The following HERPUD2 variants were observed in gnomAD, a reference collection of about 807,000 sequenced individuals.
HERPUD2 encodes HERPUD family member 2.
In HERPUD2, 13 loss-of-function variants were observed where a neutral mutation model predicts 49.9. That is an observed-to-expected ratio of 0.26 (90% CI 0.17 to 0.41). HERPUD2 has a LOEUF of 0.41. Among genes scored for constraint, HERPUD2 ranks in the 10% least tolerant of loss-of-function variants. The pLI is 1.00. For missense variants in HERPUD2, 449 were observed against 492.2 expected (o/e 0.91, Z 0.83); for synonymous variants, 172 against 171.4 (o/e 1.00, Z -0.03).
At chr7:35,673,127 G>T in intron 3 of HERPUD2, 74 bp downstream of exon 3, 1 of 1,129,258 alleles carries the variant, frequency 8.9e-7, no homozygotes, top group Non-Finnish European at 1.3e-6. Context: ...TGAACTGGTT[G>T]AATAAAATTT....
chr7:35,648,855 T>C (rs1785104479), intron 5 of HERPUD2, among the ~76,000 whole-genome samples: 1 of 152,182 alleles, frequency 6.6e-6, no homozygotes, highest in Non-Finnish European at 1.5e-5. Context: ...CACTGATATT[T>C]TGAGGTTAGC....
rs1364901077 is a variant in HERPUD2, at chr7:35,694,374, GC to G, written c.-45del. 1 of 1,610,898 alleles carries G rather than the reference GC, an allele frequency of 6.2e-7. No homozygotes were observed. Among genetic ancestry groups the G allele is most frequent in the Admixed American group, 1.7e-5 (1 of 59,934 alleles). On this transcript the variant is annotated 5_prime_UTR_variant, in exon 2 of 9. Transcript: ENST00000311350. The stretch of plus-strand genomic sequence containing the variant: ...CAGAGTCCAGAGGAGCGGCAGTTAA[GC>G]CCAAAAGAGCCGAGATGGTCACCGC...
At chr7:35,682,602 A>C (rs1157097542) in intron 2 of HERPUD2, among the ~76,000 whole-genome samples, 1 of 151,672 alleles carries the variant, frequency 6.6e-6, no homozygotes, top group Non-Finnish European at 1.5e-5. Context: ...GGGCATCCAA[A>C]TCGGTAAAGA....
intron 5 of HERPUD2, among the ~76,000 whole-genome samples, chr7:35,650,740 T>C (rs1583545491): frequency 1.3e-5 from 2 of 152,234 alleles, no homozygotes; most frequent in East Asian, 3.9e-4. Context: ...GAGACCAAAG[T>C]GTACCCCCCC....
rs1468982770 is a variant in HERPUD2, at chr7:35,694,193, A to C, written c.138T>G (p.Pro46=). ...GCTTTTACACACTTACTGGTTTGCTAGGGTAAACGTTAGATAGATGCGTTT... is the reference window on the plus strand; with the variant it reads ...GCTTTTACACACTTACTGGTTTGCTCGGGTAAACGTTAGATAGATGCGTTT... ...KLKTHLSNVY[P]SKPLTKDQRL... is the part of the protein sequence containing the mutation. The change falls in exon 2 of 9, where the codon CCT becomes CCG. Residue 46 remains proline (P), a synonymous_variant. Coordinates refer to ENST00000311350, the MANE Select transcript of HERPUD2 (RefSeq NM_022373.5). The C allele has an allele frequency of 6.2e-7, 1 of 1,614,038 alleles. No homozygotes were observed. Among genetic ancestry groups the C allele is most frequent in the South Asian group, 1.1e-5 (1 of 91,086 alleles).
At chr7:35,653,705 A>G (rs1174970156) in intron 5 of HERPUD2, among the ~76,000 whole-genome samples, 1 of 152,282 alleles carries the variant, frequency 6.6e-6, no homozygotes, top group East Asian at 1.9e-4. Flanking sequence ...AATCATATCA[A>G]GTATCTTTTA....
At chr7:35,657,053 C>T (rs564021122) in intron 5 of HERPUD2, among the ~76,000 whole-genome samples, 19 of 150,280 alleles carry the variant, frequency 1.3e-4, no homozygotes, top group Non-Finnish European at 2.2e-4. Flanking sequence ...ATGAAGCAAT[C>T]AACAGAGTGA....
Position 35,633,491 on chromosome 7 carries a change from T to TAAAAAA in HERPUD2, c.*193_*198dup. The TAAAAAA allele has an allele frequency of 1.8e-5, 5 of 284,444 alleles. No homozygotes were observed. The highest frequency in any genetic ancestry group is 6.5e-5 in the South Asian group (1 of 15,480). The allele number at this position is 284,444 out of a possible 1,614,324, so 17.6% of individuals were successfully genotyped here. ...TTACGCTATGTTCTGTTAGGATCTT[T>TAAAAAA]AAAAAAAAAAAAAAAAAACTCAGAT... On this transcript the variant is annotated 3_prime_UTR_variant, in exon 9 of 9. Coordinates refer to ENST00000311350, the MANE Select transcript of HERPUD2 (RefSeq NM_022373.5).
At chr7:35,648,171 T>C (rs1455495652) in intron 5 of HERPUD2, among the ~76,000 whole-genome samples, 1 of 152,134 alleles carries the variant, frequency 6.6e-6, no homozygotes, top group African/African-American at 2.4e-5. Flanking sequence ...GCCTCAAAAA[T>C]CTTAAGAACA....
At chr7:35,686,745 A>AAG (rs56222073) in intron 2 of HERPUD2, among the ~76,000 whole-genome samples, 2 of 75,452 alleles carry the variant, frequency 2.7e-5, no homozygotes, top group Non-Finnish European at 4.3e-5. Context: ...AAAAAAAAAA[A>AAG]CCAAACCCAT....
chr7:35,637,160 A>AAGATAGATAGATAGAT (rs201529201), intron 6 of HERPUD2, among the ~76,000 whole-genome samples: 19 of 144,190 alleles, frequency 1.3e-4, no homozygotes, highest in East Asian at 1.2e-3. Context: ...GAAAGAAAGA[A>AAGATAGATAGATAGAT]AGATAGATAG....
intron 5 of HERPUD2, among the ~76,000 whole-genome samples, chr7:35,660,780 C>T (rs1482515067): frequency 6.6e-6 from 1 of 151,918 alleles, no homozygotes; most frequent in African/African-American, 2.4e-5. Flanking sequence ...GGATATTAGC[C>T]CTTTGTCAGA....
At chr7:35,680,080 C>T (rs1785847329) in intron 2 of HERPUD2, among the ~76,000 whole-genome samples, 1 of 152,160 alleles carries the variant, frequency 6.6e-6, no homozygotes, top group Non-Finnish European at 1.5e-5. Flanking sequence ...TTCTTGCTTC[C>T]ATTCTACAGT....
chr7:35,682,257 GT>G (rs1785910869), intron 2 of HERPUD2, among the ~76,000 whole-genome samples: 1 of 82,710 alleles, frequency 1.2e-5, no homozygotes. Context: ...ACACGTGTGT[GT>G]GTGTATATAT....
At chr7:35,643,479 T>G (rs553606178) in intron 5 of HERPUD2, among the ~76,000 whole-genome samples, 1 of 152,310 alleles carries the variant, frequency 6.6e-6, no homozygotes, top group East Asian at 1.9e-4. Flanking sequence ...AAGATCTCTC[T>G]CTACTCCTAT....
chr7:35,636,916 T>G (rs1784878671), intron 6 of HERPUD2, among the ~76,000 whole-genome samples: 2 of 152,082 alleles, frequency 1.3e-5, no homozygotes, highest in African/African-American at 2.4e-5. Context: ...ATGGATCCCT[T>G]GAGGCCAGGA....
At chr7:35,650,400 C>A (rs1785139062) in intron 5 of HERPUD2, among the ~76,000 whole-genome samples, 1 of 152,132 alleles carries the variant, frequency 6.6e-6, no homozygotes, top group Admixed American at 6.5e-5. Context: ...CCTTAATGCA[C>A]ACGGGCCCCG....
At chr7:35,659,205 A>C (rs1365789883) in intron 5 of HERPUD2, among the ~76,000 whole-genome samples, 2 of 152,232 alleles carry the variant, frequency 1.3e-5, no homozygotes, top group Admixed American at 1.3e-4. Context: ...TATGTTAAAT[A>C]AAATTTACTT....
At chr7:35,667,822 G>A (rs1369728191) in intron 4 of HERPUD2, among the ~76,000 whole-genome samples, 2 of 152,102 alleles carry the variant, frequency 1.3e-5, no homozygotes, top group South Asian at 2.1e-4. Context: ...AGAAATGGCC[G>A]AGGAGCAGAA....
Sources: gnomAD v4.1 joint callset for allele counts (sites outside exome capture counted in the v4.1 genomes callset) on GRCh38, gnomAD v4.1.1 for gene constraint, MANE v1.5 for transcripts, NCBI Gene and HGNC (gene_info 2026-07-23, HGNC 2026-07-21) for gene names.